The following KCNMA1 variants were observed in gnomAD, a reference collection of about 807,000 sequenced individuals.
KCNMA1 encodes the protein potassium calcium-activated channel subfamily M alpha 1.
In KCNMA1, 29 loss-of-function variants were observed where a neutral mutation model predicts 140.0. The observed-to-expected ratio is 0.21, with a 90% CI of 0.15 to 0.28. The LOEUF is 0.28. Ranked by LOEUF, KCNMA1 falls within the 10% of genes least tolerant of loss-of-function variation. The probability of loss-of-function intolerance (pLI) is 1.00; values close to 1 mark genes in which losing one functional copy is unlikely to be tolerated. For synonymous variants in KCNMA1, 612 were observed against 611.9 expected, an observed-to-expected ratio of 1.00 and a Z score of 0.00; for missense variants, 880 against 1,602.2, an observed-to-expected ratio of 0.55 and a Z score of 7.70.
chr10:77,007,920 T>C (rs1273732697), intron 18 of KCNMA1, among the ~76,000 whole-genome samples: 1 of 151,618 alleles, frequency 6.6e-6, no homozygotes, highest in African/African-American at 2.4e-5. Flanking sequence ...AATAGAAAAA[T>C]AAGACAGTGC....
chr10:76,964,925 A>C (rs1290484740), intron 20 of KCNMA1, among the ~76,000 whole-genome samples: 1 of 152,102 alleles, frequency 6.6e-6, no homozygotes, highest in East Asian at 1.9e-4. Flanking sequence ...AAAATGTTCA[A>C]TTTCTTTTTT....
At chr10:77,429,907 G>C (rs563831188) in intron 1 of KCNMA1, among the ~76,000 whole-genome samples, 7 of 152,106 alleles carry the variant, frequency 4.6e-5, no homozygotes, top group Non-Finnish European at 1.0e-4. Context: ...TAAGAGATGA[G>C]TGTCAGAGCC....
At chr10:77,321,686 G>A (rs1039297743) in intron 2 of KCNMA1, among the ~76,000 whole-genome samples, 2 of 152,038 alleles carry the variant, frequency 1.3e-5, no homozygotes, top group African/African-American at 4.8e-5. Context: ...GTCCATATGA[G>A]TCTATTTTTA....
chr10:77,537,271 GCCTT>G (rs1283682048), intron 1 of KCNMA1, among the ~76,000 whole-genome samples: 3 of 152,096 alleles, frequency 2.0e-5, no homozygotes, highest in Non-Finnish European at 4.4e-5. Flanking sequence ...GACAGGAAAT[GCCTT>G]CCGTTTGGTC....
intron 2 of KCNMA1, among the ~76,000 whole-genome samples, chr10:77,330,755 AAGCAGCC>A (rs2086080356): frequency 6.6e-6 from 1 of 152,176 alleles, no homozygotes; most frequent in Non-Finnish European, 1.5e-5. Context: ...TTAGTGGGAA[AAGCAGCC>A]AGGGAGAACT....
intron 9 of KCNMA1, among the ~76,000 whole-genome samples, chr10:77,107,084 T>C (rs1293834159): frequency 2.0e-5 from 3 of 152,144 alleles, no homozygotes; most frequent in Admixed American, 6.5e-5. Flanking sequence ...CAGGAAGCAC[T>C]GGACTCACTG....
In KCNMA1 at chr10:77,108,208, G is replaced by A. The variant is rs1035830250; in HGVS notation, c.1223+273C>T. On this transcript the variant is annotated intron_variant, in intron 9 of 27. Coordinates refer to ENST00000286628, the MANE Select transcript of KCNMA1 (RefSeq NM_001161352.2). This position sits in a 1 kb window ranked among gnomAD's most constrained non-coding sequence, Gnocchi z 4.6. ...AGAAGCACCCGGTGGGGTTGGGGAGGGGCAGAATTCAGATGGCACCTCCAC... is the reference window on the plus strand; with the variant it reads ...AGAAGCACCCGGTGGGGTTGGGGAGAGGCAGAATTCAGATGGCACCTCCAC... 8 of 1,144,108 alleles carry A rather than the reference G, an allele frequency of 7.0e-6. No individual in the cohort carries two copies. The East Asian group carries it at 7.7e-5, about 11-fold the overall frequency. 70.9% of individuals were successfully genotyped at this position (1,144,108 alleles called of 1,614,324 possible). A position where few individuals can be genotyped will look rare whatever the true frequency, so the allele number is the denominator to read the frequency against.
intron 1 of KCNMA1, among the ~76,000 whole-genome samples, chr10:77,593,232 A>G (rs971663110): frequency 6.6e-6 from 1 of 152,160 alleles, no homozygotes; most frequent in Non-Finnish European, 1.5e-5. Context: ...AGGGAACCAT[A>G]ATCCAAAGTA....
chr10:76,941,014 GAAGGAAGAAAGA>G (rs2061864865), intron 23 of KCNMA1, among the ~76,000 whole-genome samples: 3 of 28,120 alleles, frequency 1.1e-4, no homozygotes, highest in South Asian at 1.2e-3. Context: ...AGGAAGGAAG[GAAGGAAGAAAGA>G]AAGAAAGAAA....
chr10:76,963,776 C>A (rs1022804206), intron 20 of KCNMA1, among the ~76,000 whole-genome samples: 2 of 152,200 alleles, frequency 1.3e-5, no homozygotes, highest in African/African-American at 4.8e-5. Context: ...CTAGTCCTCG[C>A]AAAGTGCAAT....
intron 1 of KCNMA1, among the ~76,000 whole-genome samples, chr10:77,619,333 T>A (rs1236582135): frequency 6.6e-6 from 1 of 151,782 alleles, no homozygotes; most frequent in Non-Finnish European, 1.5e-5. Context: ...TCTCTCTCTC[T>A]CTCTCTCTCT....
At chr10:77,462,826 G>A (rs765229628) in intron 1 of KCNMA1, among the ~76,000 whole-genome samples, 12 of 152,160 alleles carry the variant, frequency 7.9e-5, no homozygotes, top group African/African-American at 1.2e-4. Context: ...TCAGGAAGCC[G>A]GTGCTGCCTC....
At chr10:77,634,329 T>A (rs1489680876) in intron 1 of KCNMA1, 1 of 985,354 alleles carries the variant, frequency 1.0e-6, no homozygotes. Flanking sequence ...TTGTAATGTT[T>A]TCTTCTTCAC....
chr10:76,949,502 A>AT, intron 21 of KCNMA1, 136 bp from the exon 22 acceptor site: 1 of 747,660 alleles, frequency 1.3e-6, no homozygotes, highest in Non-Finnish European at 2.3e-6. Flanking sequence ...TTTTTATTTC[A>AT]TCAATGTTAT....
chr10:76,986,245 C>T (rs188904101), intron 19 of KCNMA1, among the ~76,000 whole-genome samples: 399 of 152,286 alleles, frequency 2.6e-3, no homozygotes, highest in Non-Finnish European at 4.0e-3. Context: ...ATAACTCATG[C>T]GGCAACCAAA....
intron 3 of KCNMA1, among the ~76,000 whole-genome samples, chr10:77,205,711 A>T (rs1047493641): frequency 5.9e-5 from 9 of 152,152 alleles, no homozygotes; most frequent in Non-Finnish European, 1.0e-4. Context: ...CTTAACATTA[A>T]CTTTCCTTTG....
At chr10:77,431,153 C>T (rs1447145129) in intron 1 of KCNMA1, among the ~76,000 whole-genome samples, 3 of 152,196 alleles carry the variant, frequency 2.0e-5, no homozygotes, top group Non-Finnish European at 2.9e-5. Flanking sequence ...CTCCTGAAGA[C>T]AGTACATCAA....
intron 21 of KCNMA1, among the ~76,000 whole-genome samples, chr10:76,952,955 TA>T (rs755775224): frequency 2.6e-5 from 4 of 152,188 alleles, no homozygotes; most frequent in Non-Finnish European, 5.9e-5. Flanking sequence ...TCTCATGGAT[TA>T]GCAAGACAAT....
chr10:77,516,945 G>T (rs1466478973), intron 1 of KCNMA1, among the ~76,000 whole-genome samples: 4 of 151,922 alleles, frequency 2.6e-5, no homozygotes, highest in African/African-American at 9.7e-5. Context: ...TGTGGATGAG[G>T]GAGGAAGTGA....
Sources: gnomAD v4.1 joint callset for allele counts (sites outside exome capture counted in the v4.1 genomes callset) on GRCh38, gnomAD v4.1.1 for gene constraint, Gnocchi (gnomAD v3.1) non-coding constraint, MANE v1.5 for transcripts, NCBI Gene and HGNC (gene_info 2026-07-23, HGNC 2026-07-21) for gene names.